Variants in ANKRD17 observed in about 807,000 individuals in gnomAD.
ANKRD17 encodes ankyrin repeat domain-containing protein 17.
A neutral mutation model predicts 229.7 loss-of-function variants in ANKRD17; 19 were observed. The observed-to-expected ratio is 0.08, with a 90% CI of 0.06 to 0.12. The LOEUF is 0.12. Ranked by LOEUF, ANKRD17 falls within the 10% of genes least tolerant of loss-of-function variation. ANKRD17 has a pLI of 1.00. For missense variants in ANKRD17, 2,176 were observed against 3,176.8 expected, an observed-to-expected ratio of 0.68 and a Z score of 7.57; for synonymous variants, 1,112 against 1,146.1, an observed-to-expected ratio of 0.97 and a Z score of 0.60.
chr4:73,087,962 AAAGG>A (rs1357920995), intron 29 of ANKRD17, among the ~76,000 whole-genome samples: 7 of 151,946 alleles, frequency 4.6e-5, no homozygotes, highest in African/African-American at 1.7e-4. Flanking sequence ...AGAGGAAAAA[AAAGG>A]AGGGAAGAAG....
chr4:73,150,939 A>G (rs1730923926), intron 7 of ANKRD17, among the ~76,000 whole-genome samples: 1 of 152,152 alleles, frequency 6.6e-6, no homozygotes, highest in Admixed American at 6.5e-5. Context: ...CTACTTTTAA[A>G]TTTTTGTTTA....
At position 73,074,316 on chromosome 4, in the gene ANKRD17, T is replaced by C. The variant is rs1479435584; in HGVS notation, c.*1915A>G. 1 of 152,028 alleles carries C rather than the reference T, an allele frequency of 6.6e-6. No individual in the cohort carries two copies. Among genetic ancestry groups the C allele is most frequent in the East Asian group, 1.9e-4 (1 of 5,194 alleles). 9.4% of individuals were successfully genotyped at this position (152,028 alleles called of 1,614,324 possible). A position where few individuals can be genotyped will look rare whatever the true frequency, so the allele number is the denominator to read the frequency against. ...TACCTTAAATAGAAAATAACCCTAG[T>C]TAACACAGGAAAGAATTAAGAAAAA... On this transcript the variant is annotated 3_prime_UTR_variant, in exon 34 of 34. Coordinates refer to ENST00000358602, the MANE Select transcript of ANKRD17 (RefSeq NM_032217.5).
intron 1 of ANKRD17, among the ~76,000 whole-genome samples, chr4:73,182,630 G>A (rs555915834): frequency 9.5e-4 from 144 of 152,070 alleles, no homozygotes; most frequent in Non-Finnish European, 1.8e-3. Context: ...ACATGCCCCC[G>A]ATTTATGCAA....
chr4:73,164,840 G>A lies in ANKRD17; in HGVS notation c.548-3492C>T, dbSNP rs140440289. ...AATGACCAGATTATTATTTCCAAAT[G>A]CTCTCATTTAATCAATTGAACAACA... On this transcript the variant is annotated intron_variant, in intron 2 of 33. Coordinates refer to ENST00000358602, the MANE Select transcript of ANKRD17 (RefSeq NM_032217.5). Among the ~76,000 whole-genome samples, 176 of 150,264 alleles carry A rather than the reference G, an allele frequency of 1.2e-3. 1 individual carries two copies. Among genetic ancestry groups the A allele is most frequent in the African/African-American group, 3.9e-3 (161 of 41,116 alleles).
chr4:73,118,488 C>G (rs1257934777), intron 22 of ANKRD17, among the ~76,000 whole-genome samples, 200 bp downstream of exon 22: 1 of 151,520 alleles, frequency 6.6e-6, no homozygotes, highest in Non-Finnish European at 1.5e-5. Context: ...CTCTGATGTC[C>G]AATAAGGTTA....
At chr4:73,190,810 C>CA (rs896926236) in intron 1 of ANKRD17, among the ~76,000 whole-genome samples, 24 of 150,854 alleles carry the variant, frequency 1.6e-4, no homozygotes, top group Admixed American at 3.3e-4. Context: ...ACAACAAAAA[C>CA]AAAAAAAATC....
chr4:73,228,450 A>G (rs1214918910), intron 1 of ANKRD17, among the ~76,000 whole-genome samples: 4 of 152,184 alleles, frequency 2.6e-5, no homozygotes, highest in African/African-American at 4.8e-5. Flanking sequence ...ATTTTTATGT[A>G]AAAGTAATAC....
At chr4:73,219,131 A>C (rs1049809659) in intron 1 of ANKRD17, among the ~76,000 whole-genome samples, 2 of 152,216 alleles carry the variant, frequency 1.3e-5, no homozygotes, top group African/African-American at 4.8e-5. Context: ...GATGAATGGA[A>C]AATATTACTT....
chr4:73,126,015 AAGAC>A (rs1010905283), intron 16 of ANKRD17, among the ~76,000 whole-genome samples: 3 of 152,176 alleles, frequency 2.0e-5, no homozygotes, highest in Admixed American at 2.0e-4. Context: ...GTGATCTCTG[AAGAC>A]AGAAATGATT....
chr4:73,231,388 T>A (rs979250372), intron 1 of ANKRD17, among the ~76,000 whole-genome samples: 12 of 152,162 alleles, frequency 7.9e-5, no homozygotes, highest in Non-Finnish European at 7.4e-5. Flanking sequence ...TCCTTAATGG[T>A]CTGGGGTCCC....
chr4:73,258,231 C>CT, intron 1 of ANKRD17, 45 bp downstream of exon 1: 1 of 1,612,526 alleles, frequency 6.2e-7, no homozygotes, highest in Non-Finnish European at 8.5e-7. Context: ...GCCCCTATCC[C>CT]TTACAGTCCC....
At chr4:73,212,241 A>G (rs1342723191) in intron 1 of ANKRD17, among the ~76,000 whole-genome samples, 1 of 135,784 alleles carries the variant, frequency 7.4e-6, no homozygotes, top group Admixed American at 6.8e-5. Flanking sequence ...TGAAGATACC[A>G]ACAACAAAGC....
In ANKRD17 at chr4:73,075,341, T is replaced by C. The variant is rs924906069; in HGVS notation, c.*890A>G. ...CTCAGAAAGTTTAAACATTTTATAA[T>C]TAGAAGAAACCACTGGTGATGATGA... On this transcript the variant is annotated 3_prime_UTR_variant, in exon 34 of 34. Coordinates refer to ENST00000358602, the MANE Select transcript of ANKRD17 (RefSeq NM_032217.5). The C allele has an allele frequency of 5.9e-5, 9 of 152,152 alleles. No homozygotes were observed. Among genetic ancestry groups the C allele is most frequent in the South Asian group, 2.1e-4 (1 of 4,838 alleles). 9.4% of individuals were successfully genotyped at this position (152,152 alleles called of 1,614,324 possible).
intron 1 of ANKRD17, among the ~76,000 whole-genome samples, chr4:73,194,646 C>G (rs1462646562): frequency 6.6e-6 from 1 of 151,968 alleles, no homozygotes; most frequent in African/African-American, 2.4e-5. Flanking sequence ...ACAGTATTGA[C>G]TTTTAAAAAT....
intron 1 of ANKRD17, among the ~76,000 whole-genome samples, chr4:73,255,826 C>G (rs1337301270): frequency 6.6e-6 from 1 of 152,152 alleles, no homozygotes; most frequent in East Asian, 1.9e-4. Flanking sequence ...CGGGTTCAAG[C>G]AATTCTCCTG....
intron 26 of ANKRD17, 53 bp downstream of exon 26, chr4:73,098,020 T>C (rs1723512102): frequency 4.1e-6 from 6 of 1,479,958 alleles, no homozygotes; most frequent in African/African-American, 1.4e-5. Flanking sequence ...AATTCAGTAA[T>C]AAGGTATTTC....
intron 1 of ANKRD17, among the ~76,000 whole-genome samples, chr4:73,227,378 T>A (rs1742618329): frequency 1.3e-5 from 2 of 152,074 alleles, no homozygotes; most frequent in Admixed American, 1.3e-4. Flanking sequence ...GCTCTCGAAC[T>A]CCTGACCTCA....
At chr4:73,195,275 T>C (rs1737697792) in intron 1 of ANKRD17, among the ~76,000 whole-genome samples, 1 of 152,204 alleles carries the variant, frequency 6.6e-6, no homozygotes, top group African/African-American at 2.4e-5. Context: ...GCTAATATTC[T>C]ATTAGGATTT....
Position 73,258,706 on chromosome 4 carries a change from C to A in ANKRD17, c.-38G>T. 2 of 1,421,072 alleles carry A rather than the reference C, an allele frequency of 1.4e-6. No homozygotes were observed. The highest frequency in any genetic ancestry group is 1.8e-6 in the Non-Finnish European group (2 of 1,099,582). The allele number at this position is 1,421,072 out of a possible 1,614,324, so 88.0% of individuals were successfully genotyped here. A position where few individuals can be genotyped will look rare whatever the true frequency, so the allele number is the denominator to read the frequency against. On this transcript the variant is annotated 5_prime_UTR_variant, in exon 1 of 34. Coordinates refer to ENST00000358602, the MANE Select transcript of ANKRD17 (RefSeq NM_032217.5). ...AGGGAGGGCGCGGACGGGGGAGGGGCGTGGGGCTACGCTCTACCGCGACTT... is the reference window on the plus strand; with the variant it reads ...AGGGAGGGCGCGGACGGGGGAGGGGAGTGGGGCTACGCTCTACCGCGACTT...
Sources: allele counts gnomAD v4.1 joint callset (sites outside exome capture counted in the v4.1 genomes callset), GRCh38; gene constraint gnomAD v4.1.1; transcripts MANE v1.5; gene names NCBI Gene and HGNC (gene_info 2026-07-23, HGNC 2026-07-21).